The following ENTPD1 variants were observed in gnomAD, a reference collection of about 807,000 sequenced individuals.
ENTPD1 encodes ATP diphosphohydrolase.
Under a neutral mutation model 57.0 loss-of-function variants are expected in ENTPD1, and 33 were observed. The observed-to-expected ratio is 0.58, with a 90% CI of 0.44 to 0.77. The LOEUF (loss-of-function observed/expected upper bound fraction) is 0.77, where lower values mean the gene tolerates loss of function less well. Among genes scored for constraint, ENTPD1 ranks in the 30% least tolerant of loss-of-function variants. ENTPD1 has a pLI of 0.00. For missense variants in ENTPD1, 501 were observed against 603.4 expected, an observed-to-expected ratio of 0.83 and a Z score of 1.78; for synonymous variants, 202 against 218.8, an observed-to-expected ratio of 0.92 and a Z score of 0.68.
At chr10:95,756,437 GAGTCCAGGGTTGC>G in intron 1 of ENTPD1, 182 bp downstream of exon 1, 1 of 696,184 alleles carries the variant, frequency 1.4e-6, no homozygotes, top group Non-Finnish European at 2.4e-6. Context: ...TTAGGAAGCA[GAGTCCAGGGTTGC>G]AGTCAAGGGT....
intron 2 of ENTPD1, among the ~76,000 whole-genome samples, chr10:95,831,039 T>C (rs2098395115): frequency 6.6e-6 from 1 of 152,100 alleles, no homozygotes; most frequent in South Asian, 2.1e-4. Context: ...GCATTGTCTG[T>C]GGGGTAAGGG....
chr10:95,750,027 G>T (rs2098010071), intron 1 of ENTPD1, among the ~76,000 whole-genome samples: 1 of 152,024 alleles, frequency 6.6e-6, no homozygotes, highest in Admixed American at 6.5e-5. Context: ...AATAAGAAGA[G>T]GTCAGGTCCT....
rs980354985 is a variant in ENTPD1, at chr10:95,871,629, C to A, written c.*5246C>A. 2 of 985,066 alleles carry A rather than the reference C, an allele frequency of 2.0e-6. No homozygotes were observed. The highest frequency in any genetic ancestry group is 1.7e-5 in the African/African-American group (1 of 57,214). 61.0% of individuals were successfully genotyped at this position (985,066 alleles called of 1,614,324 possible). A position where few individuals can be genotyped will look rare whatever the true frequency, so the allele number is the denominator to read the frequency against. On this transcript the variant is annotated 3_prime_UTR_variant, in exon 10 of 10. Coordinates refer to ENST00000371205, the MANE Select transcript of ENTPD1 (RefSeq NM_001776.6). Reference sequence around the variant, plus strand: ...CTCTTTAGAAAAGTGGCATTCAAGACTCTTCATTTGAAGTGAAGATTGCTA... The same window carrying A: ...CTCTTTAGAAAAGTGGCATTCAAGAATCTTCATTTGAAGTGAAGATTGCTA...
intron 1 of ENTPD1, among the ~76,000 whole-genome samples, chr10:95,714,981 A>G (rs1379412513): frequency 1.3e-5 from 2 of 152,346 alleles, no homozygotes; most frequent in East Asian, 3.9e-4. Flanking sequence ...AATGAAAAGA[A>G]TCGTTAAGTT....
chr10:95,810,379 G>A (rs550332446), intron 1 of ENTPD1, among the ~76,000 whole-genome samples: 13 of 147,596 alleles, frequency 8.8e-5, no homozygotes, highest in South Asian at 4.3e-4. Context: ...CAGGGCGGCC[G>A]GGCAGAGGTG....
chr10:95,857,810 C>T (rs886825591), intron 7 of ENTPD1, among the ~76,000 whole-genome samples: 1 of 152,170 alleles, frequency 6.6e-6, no homozygotes, highest in Non-Finnish European at 1.5e-5. Flanking sequence ...TTCTAGAAAG[C>T]AGGCAGACAT....
rs542275932 is a variant in ENTPD1 at position 95,778,529 on chromosome 10, T to C, written c.16+22274T>C. 5.3e-4 allele frequency among the ~76,000 whole-genome samples: 80 copies of C among 152,352 alleles called. 1 individual carries two copies. In the South Asian group the frequency reaches 0.016, roughly 31 times the overall value. On this transcript the variant is annotated intron_variant, in intron 1 of 9. Transcript: ENST00000371205. ...TGTTGAAAATGTGGGGAAACTAATA[T>C]TCCCTAACTGTTGGCTAGAATGCAA... is the stretch of plus-strand genomic sequence containing the variant.
At chr10:95,694,797 A>G in the ENTPD1 span, among the ~76,000 whole-genome samples, 1 of 150,856 alleles carries the variant, frequency 6.6e-6, no homozygotes, top group African/African-American at 2.4e-5. Context: ...TTCCTTCGGT[A>G]TTGGAAATGT....
In ENTPD1 at chr10:95,872,765, C is replaced by A. The variant is rs2098481893; in HGVS notation, c.*6382C>A. On this transcript the variant is annotated 3_prime_UTR_variant, in exon 10 of 10. Transcript: ENST00000371205. ...TCTGTTGCTGGCGAGCTGGTCCGCA[C>A]CACTAGTTCTGCTTCACTCTATTTA... 1.0e-6 allele frequency: 1 copy of A among 985,448 alleles called. No homozygotes were observed. Among genetic ancestry groups the A allele is most frequent in the Non-Finnish European group, 1.2e-6 (1 of 829,934 alleles). The allele number at this position is 985,448 out of a possible 1,614,324, so 61.0% of individuals were successfully genotyped here. A position where few individuals can be genotyped will look rare whatever the true frequency, so the allele number is the denominator to read the frequency against.
At position 95,723,865 on chromosome 10, in the gene ENTPD1, G is replaced by A. The variant is rs538502716; in HGVS notation, c.37+11872G>A. 2.0e-5 allele frequency among the ~76,000 whole-genome samples: 3 copies of A among 152,196 alleles called. No individual in the cohort carries two copies. In the South Asian group the frequency reaches 6.2e-4, roughly 32 times the overall value. On this transcript the variant is annotated intron_variant, in intron 1 of 9. Coordinates refer to the ENTPD1 transcript ENST00000453258. ...AACCCACAAGGATTGGGGGTTGTTAGAAAGCCCTTTCCCAGCACAGGCACG... is the reference window on the plus strand; with the variant it reads ...AACCCACAAGGATTGGGGGTTGTTAAAAAGCCCTTTCCCAGCACAGGCACG...
chr10:95,711,873 G>A, exon 1 of ENTPD1: 1 of 1,596,806 alleles, frequency 6.3e-7, no homozygotes, highest in Non-Finnish European at 8.6e-7. Flanking sequence ...ACTTCAGAGG[G>A]CAAAGGGGAA....
chr10:95,836,588 A>G (rs1461957647), intron 2 of ENTPD1, among the ~76,000 whole-genome samples: 1 of 152,150 alleles, frequency 6.6e-6, no homozygotes, highest in East Asian at 1.9e-4. Context: ...GGATATACTC[A>G]TAGGGACTTT....
the ENTPD1 span, among the ~76,000 whole-genome samples, chr10:95,694,895 A>ATTTTTTTTTT: frequency 1.0e-5 from 1 of 98,744 alleles, no homozygotes. Flanking sequence ...TGAGGAGCTG[A>ATTTTTTTTTT]TTTTTTTTTT....
intron 1 of ENTPD1, among the ~76,000 whole-genome samples, chr10:95,729,443 A>G (rs1343740006): frequency 6.6e-6 from 1 of 152,210 alleles, no homozygotes. Context: ...GGAGGGCACT[A>G]TCTGTTTCCT....
At chr10:95,715,541 A>T (rs1039326251) in intron 1 of ENTPD1, among the ~76,000 whole-genome samples, 8 of 151,764 alleles carry the variant, frequency 5.3e-5, no homozygotes, top group Admixed American at 5.2e-4. Flanking sequence ...GTTCATTCAC[A>T]TTCAGTGTAG....
chr10:95,779,075 C>T (rs1020477713), intron 1 of ENTPD1, among the ~76,000 whole-genome samples: 5 of 152,170 alleles, frequency 3.3e-5, no homozygotes, highest in Non-Finnish European at 4.4e-5. Context: ...TCTCTCCTCA[C>T]CACCTCCCTA....
At chr10:95,826,448 T>G (rs937277098) in intron 2 of ENTPD1, among the ~76,000 whole-genome samples, 1 of 151,732 alleles carries the variant, frequency 6.6e-6, no homozygotes, top group Non-Finnish European at 1.5e-5. Flanking sequence ...TGGCGCGTAC[T>G]TGTAATCCTA....
chr10:95,869,994 A>C lies in ENTPD1; in HGVS notation c.*3611A>C, dbSNP rs2141023108. The C allele has an allele frequency of 1.0e-6, 1 of 985,502 alleles. No individual in the cohort carries two copies. Among genetic ancestry groups the C allele is most frequent in the South Asian group, 4.7e-5 (1 of 21,292 alleles). The allele number at this position is 985,502 out of a possible 1,614,324, so 61.0% of individuals were successfully genotyped here. On this transcript the variant is annotated 3_prime_UTR_variant, in exon 10 of 10. Transcript: ENST00000371205. ...CGTAAAGTTAAAGTTTAAAAGACAC[A>C]GGAACTAAGCCCTCATTGTCTTTCC...
At chr10:95,777,855 G>A (rs11593761) in intron 1 of ENTPD1, among the ~76,000 whole-genome samples, 40,922 of 152,172 alleles carry the variant, frequency 0.27, 6,354 homozygotes, top group Admixed American at 0.38. Flanking sequence ...CTCAAACCTC[G>A]GCAATGGCGG....
Sources: gnomAD v4.1 joint callset for allele counts (sites outside exome capture counted in the v4.1 genomes callset) on GRCh38, gnomAD v4.1.1 for gene constraint, MANE v1.5 for transcripts, NCBI Gene and HGNC (gene_info 2026-07-23, HGNC 2026-07-21) for gene names.